The following FBXL7 variants were observed in gnomAD, a reference collection of about 807,000 sequenced individuals.
FBXL7 encodes F-box/LRR-repeat protein 7.
FBXL7 carries 12 observed loss-of-function variants against 38.3 expected under a neutral mutation model. That is an observed-to-expected ratio of 0.31 (90% CI 0.20 to 0.51). The LOEUF (loss-of-function observed/expected upper bound fraction) is 0.51, where lower values mean the gene tolerates loss of function less well. Ranked by LOEUF, FBXL7 falls within the 20% of genes least tolerant of loss-of-function variation. FBXL7 has a pLI of 0.98. For missense variants in FBXL7, 567 were observed against 676.4 expected, an observed-to-expected ratio of 0.84 and a Z score of 1.79; for synonymous variants, 297 against 300.9, an observed-to-expected ratio of 0.99 and a Z score of 0.13.
At chr5:15,658,776 C>CGTATGGAA (rs1741964185) in intron 2 of FBXL7, among the ~76,000 whole-genome samples, 1 of 152,132 alleles carries the variant, frequency 6.6e-6, no homozygotes, top group Non-Finnish European at 1.5e-5. Context: ...GATGCTTTTC[C>CGTATGGAA]ATACAATGTC....
At position 15,500,584 on chromosome 5, in the gene FBXL7, T is replaced by C; in HGVS notation, c.-93T>C. The C allele has an allele frequency of 1.3e-6, 2 of 1,562,906 alleles. No homozygotes were observed. Among genetic ancestry groups the C allele is most frequent in the Non-Finnish European group, 1.8e-6 (2 of 1,133,880 alleles). On this transcript the variant is annotated 5_prime_UTR_variant, in exon 1 of 4. Coordinates refer to ENST00000504595, the MANE Select transcript of FBXL7 (RefSeq NM_012304.5). Reference sequence around the variant, plus strand: ...CTTGGGGGGGATGTGCAGCTAACGGTCCCGTCGGGCGGGCTTTCCTCGGGC... The same window carrying C: ...CTTGGGGGGGATGTGCAGCTAACGGCCCCGTCGGGCGGGCTTTCCTCGGGC...
Position 15,684,742 on chromosome 5 carries a change from T to C in FBXL7, c.127+68670T>C, listed in dbSNP as rs141484444. Among the ~76,000 whole-genome samples, 328 of 152,296 alleles carry C rather than the reference T, an allele frequency of 2.2e-3. 1 individual carries two copies. The highest frequency in any genetic ancestry group is 7.3e-3 in the African/African-American group (305 of 41,556). Reference sequence around the variant, plus strand: ...GGCTCATTGGAAAATGCTTTGCTTCTAGCTTTAAAAATGGAGAAGGGGCTA... The same window carrying C: ...GGCTCATTGGAAAATGCTTTGCTTCCAGCTTTAAAAATGGAGAAGGGGCTA... On this transcript the variant is annotated intron_variant, in intron 2 of 3. Coordinates refer to ENST00000504595, the MANE Select transcript of FBXL7 (RefSeq NM_012304.5).
At chr5:15,598,983 G>A (rs1580394833) in intron 1 of FBXL7, among the ~76,000 whole-genome samples, 1 of 152,130 alleles carries the variant, frequency 6.6e-6, no homozygotes, top group East Asian at 1.9e-4. Context: ...CCTACAAATT[G>A]TAGTAGTAGA....
intron 2 of FBXL7, among the ~76,000 whole-genome samples, chr5:15,770,560 A>G (rs955981151): frequency 6.6e-6 from 1 of 152,192 alleles, no homozygotes; most frequent in Non-Finnish European, 1.5e-5. Context: ...ACGAGTAGCT[A>G]CTACCTCCAG....
intron 2 of FBXL7, among the ~76,000 whole-genome samples, chr5:15,676,358 C>A (rs1056673785): frequency 1.3e-5 from 2 of 152,150 alleles, no homozygotes; most frequent in African/African-American, 4.8e-5. Context: ...AAAAGTTTTT[C>A]TTGACCTGAC....
intron 1 of FBXL7, among the ~76,000 whole-genome samples, chr5:15,508,234 C>G (rs1736699298): frequency 6.6e-6 from 1 of 152,036 alleles, no homozygotes; most frequent in African/African-American, 2.4e-5. Context: ...GAATGCTATA[C>G]TGAAAATGAA....
At chr5:15,564,864 C>T (rs1046101403) in intron 1 of FBXL7, among the ~76,000 whole-genome samples, 7 of 152,046 alleles carry the variant, frequency 4.6e-5, no homozygotes, top group African/African-American at 7.2e-5. Context: ...TAATGATGCA[C>T]AGCACTGATA....
rs114651582 is a variant in FBXL7 at position 15,500,887 on chromosome 5, G to C, written c.37+174G>C. On this transcript the variant is annotated intron_variant, in intron 1 of 3. Coordinates refer to ENST00000504595, the MANE Select transcript of FBXL7 (RefSeq NM_012304.5). ...TGAGTGACCAGTGAGTAGGTCAGGCGCCCCGAGGATGCTTTTCCACTGTGG... is the reference window on the plus strand; with the variant it reads ...TGAGTGACCAGTGAGTAGGTCAGGCCCCCCGAGGATGCTTTTCCACTGTGG... 9.8e-3 allele frequency among the ~76,000 whole-genome samples: 1,486 copies of C among 152,216 alleles called. 24 individuals carry two copies. Among genetic ancestry groups the C allele is most frequent in the African/African-American group, 0.034 (1,420 of 41,532 alleles).
At chr5:15,906,507 C>T (rs1251497104) in intron 2 of FBXL7, among the ~76,000 whole-genome samples, 1 of 138,286 alleles carries the variant, frequency 7.2e-6, no homozygotes, top group South Asian at 2.3e-4. Context: ...TCAGGATCCA[C>T]AAAAAATTTT....
chr5:15,581,009 G>C (rs1739122333), intron 1 of FBXL7, among the ~76,000 whole-genome samples: 1 of 152,160 alleles, frequency 6.6e-6, no homozygotes, highest in African/African-American at 2.4e-5. Flanking sequence ...CCAGTACCTG[G>C]GGACAGATGC....
At chr5:15,887,750 A>C (rs2126363255) in intron 2 of FBXL7, among the ~76,000 whole-genome samples, 1 of 152,344 alleles carries the variant, frequency 6.6e-6, no homozygotes, top group Admixed American at 6.5e-5. Flanking sequence ...CTTTTATGGA[A>C]ACTAGACAGT....
At chr5:15,843,575 A>C (rs181362554) in intron 2 of FBXL7, among the ~76,000 whole-genome samples, 6 of 152,340 alleles carry the variant, frequency 3.9e-5, no homozygotes, top group Non-Finnish European at 5.9e-5. Context: ...GAAGACGAAT[A>C]ATAAATGTCC....
chr5:15,835,116 G>A (rs1370006134), intron 2 of FBXL7, among the ~76,000 whole-genome samples: 2 of 152,198 alleles, frequency 1.3e-5, no homozygotes, highest in Non-Finnish European at 2.9e-5. Flanking sequence ...AATGTAAATA[G>A]TGGGTGATTT....
At chr5:15,679,734 A>G (rs1306790928) in intron 2 of FBXL7, among the ~76,000 whole-genome samples, 1 of 152,112 alleles carries the variant, frequency 6.6e-6, no homozygotes, top group Non-Finnish European at 1.5e-5. Context: ...ATTGAATGAC[A>G]TTTTTAGGTG....
At chr5:15,721,646 T>G (rs1445515655) in intron 2 of FBXL7, among the ~76,000 whole-genome samples, 1 of 152,146 alleles carries the variant, frequency 6.6e-6, no homozygotes, top group Non-Finnish European at 1.5e-5. Context: ...CTTTTTTGAC[T>G]TTTGAAATTA....
intron 2 of FBXL7, among the ~76,000 whole-genome samples, chr5:15,763,791 TA>T (rs1451010820): frequency 6.6e-6 from 1 of 152,104 alleles, no homozygotes; most frequent in Non-Finnish European, 1.5e-5. Context: ...AAAGAACCAA[TA>T]AAAAACATAC....
At chr5:15,672,614 G>A (rs1395295286) in intron 2 of FBXL7, among the ~76,000 whole-genome samples, 3 of 150,196 alleles carry the variant, frequency 2.0e-5, no homozygotes, top group Non-Finnish European at 4.4e-5. Context: ...GTGTGCAGTG[G>A]CACGATCTTG....
intron 2 of FBXL7, among the ~76,000 whole-genome samples, chr5:15,647,174 C>T (rs1399729396): frequency 6.6e-6 from 1 of 152,172 alleles, no homozygotes; most frequent in Non-Finnish European, 1.5e-5. Context: ...CAGTCATTAA[C>T]ATTTATTTAG....
intron 1 of FBXL7, among the ~76,000 whole-genome samples, chr5:15,568,617 G>T (rs374400886): frequency 4.0e-5 from 6 of 150,910 alleles, no homozygotes; most frequent in East Asian, 1.9e-4. Context: ...GTCAATTTTG[G>T]CTTTTGTTGC....
Sources: gnomAD v4.1 joint callset for allele counts (sites outside exome capture counted in the v4.1 genomes callset) on GRCh38, gnomAD v4.1.1 for gene constraint, MANE v1.5 for transcripts, NCBI Gene and HGNC (gene_info 2026-07-23, HGNC 2026-07-21) for gene names.